LOC128462377: variants seen among roughly 807,000 people sequenced by gnomAD.
At chr16:89,397,820 G>T in the LOC128462377 span, among the ~76,000 whole-genome samples, 1 of 152,206 alleles carries the variant, frequency 6.6e-6, no homozygotes, top group Non-Finnish European at 1.5e-5. Flanking sequence ...CCAGGGACAA[G>T]CGGCCCGTGC....
At chr16:89,413,285 G>C in the LOC128462377 span, among the ~76,000 whole-genome samples, 1 of 152,140 alleles carries the variant, frequency 6.6e-6, no homozygotes, top group Admixed American at 6.5e-5. Context: ...GATAATAATG[G>C]AAGTATGGTG....
chr16:89,331,931 G>A, the LOC128462377 span, among the ~76,000 whole-genome samples: 5 of 152,116 alleles, frequency 3.3e-5, no homozygotes, highest in African/African-American at 9.7e-5. Context: ...GCTGGGAACC[G>A]TCATCACCAC....
At chr16:89,379,382 A>G in the LOC128462377 span, among the ~76,000 whole-genome samples, 1 of 152,244 alleles carries the variant, frequency 6.6e-6, no homozygotes, top group Admixed American at 6.5e-5. Flanking sequence ...CTTTCATTAT[A>G]TGTCGAAAGC....
At chr16:89,414,045 C>T in the LOC128462377 span, among the ~76,000 whole-genome samples, 2 of 150,954 alleles carry the variant, frequency 1.3e-5, no homozygotes, top group Non-Finnish European at 1.5e-5. Context: ...CCCTCCGCCA[C>T]GGGCCTGCAC....
At chr16:89,357,859 G>A in the LOC128462377 span, among the ~76,000 whole-genome samples, 1 of 152,230 alleles carries the variant, frequency 6.6e-6, no homozygotes, top group African/African-American at 2.4e-5. Flanking sequence ...CCAGGGTGCT[G>A]GCTGCCCCTT....
chr16:89,362,041 G>C, the LOC128462377 span, among the ~76,000 whole-genome samples: 1 of 152,202 alleles, frequency 6.6e-6, no homozygotes, highest in Non-Finnish European at 1.5e-5. Context: ...TAACCCTCAA[G>C]TGCTCCTCAG....
the LOC128462377 span, among the ~76,000 whole-genome samples, chr16:89,377,234 C>T: frequency 1.3e-5 from 2 of 152,090 alleles, no homozygotes; most frequent in African/African-American, 4.8e-5. Context: ...AGGCTCATTA[C>T]ACACAGCATG....
chr16:89,399,925 C>A, the LOC128462377 span, among the ~76,000 whole-genome samples: 3 of 152,174 alleles, frequency 2.0e-5, no homozygotes, highest in Admixed American at 1.3e-4. Flanking sequence ...GCACCAGGAC[C>A]AAGAAGCAGA....
chr16:89,363,547 T>C, the LOC128462377 span, among the ~76,000 whole-genome samples: 2 of 152,140 alleles, frequency 1.3e-5, no homozygotes, highest in Non-Finnish European at 2.9e-5. Flanking sequence ...AAACCTTACA[T>C]AGTTCACAAT....
At chr16:89,346,982 G>A in the LOC128462377 span, among the ~76,000 whole-genome samples, 124 of 152,334 alleles carry the variant, frequency 8.1e-4, no homozygotes, top group African/African-American at 2.8e-3. Context: ...ATAGGAAGGC[G>A]CGAACTGTCT....
At chr16:89,339,657 T>A in the LOC128462377 span, among the ~76,000 whole-genome samples, 3 of 152,222 alleles carry the variant, frequency 2.0e-5, no homozygotes, top group African/African-American at 7.2e-5. Flanking sequence ...TCCTTTAAAA[T>A]TTTTCAAGCA....
the LOC128462377 span, among the ~76,000 whole-genome samples, chr16:89,347,071 G>T: frequency 1.3e-5 from 2 of 152,150 alleles, no homozygotes; most frequent in African/African-American, 4.8e-5. Flanking sequence ...CCAGCTAAAG[G>T]GGGTGACTGA....
At chr16:89,351,618 G>A in the LOC128462377 span, among the ~76,000 whole-genome samples, 1 of 152,218 alleles carries the variant, frequency 6.6e-6, no homozygotes, top group Non-Finnish European at 1.5e-5. Context: ...AGGCAATGCT[G>A]CTGTGGGCAC....
chr16:89,317,190 G>C, the LOC128462377 span: 1 of 821,464 alleles, frequency 1.2e-6, no homozygotes, highest in Non-Finnish European at 2.0e-6. Flanking sequence ...CAGCTGCTCT[G>C]ATCAGGGCTG....
the LOC128462377 span, among the ~76,000 whole-genome samples, chr16:89,372,229 G>A: frequency 6.6e-6 from 1 of 152,214 alleles, no homozygotes; most frequent in Admixed American, 6.5e-5. Flanking sequence ...CTCAGAGCTG[G>A]GGAAAGAGCC....
chr16:89,402,835 G>A, the LOC128462377 span, among the ~76,000 whole-genome samples: 16 of 150,522 alleles, frequency 1.1e-4, no homozygotes, highest in South Asian at 1.9e-3. Flanking sequence ...GCGGCACTGC[G>A]GGAGGAGGTG....
chr16:89,399,157 G>C, the LOC128462377 span, among the ~76,000 whole-genome samples: 1 of 152,188 alleles, frequency 6.6e-6, no homozygotes, highest in African/African-American at 2.4e-5. Flanking sequence ...CACAGCACGA[G>C]TCCACGCAAG....
the LOC128462377 span, among the ~76,000 whole-genome samples, chr16:89,410,834 A>T: frequency 1.3e-5 from 2 of 152,210 alleles, no homozygotes; most frequent in Non-Finnish European, 1.5e-5. Flanking sequence ...GGGGGTGGGG[A>T]GTGGCCAACT....
chr16:89,355,057 C>T, the LOC128462377 span, among the ~76,000 whole-genome samples: 1 of 152,200 alleles, frequency 6.6e-6, no homozygotes, highest in African/African-American at 2.4e-5. Context: ...AACATGTTTG[C>T]TTTCATCTAA....
Sources: allele counts gnomAD v4.1 joint callset (sites outside exome capture counted in the v4.1 genomes callset), GRCh38; gene constraint gnomAD v4.1.1; transcripts MANE v1.5.